The following CLCN3 variants were observed in gnomAD, a reference collection of about 807,000 sequenced individuals.
The protein encoded by CLCN3 is H(+)/Cl(-) exchange transporter 3.
A neutral mutation model predicts 83.4 loss-of-function variants in CLCN3; 16 were observed. The ratio of observed to expected loss-of-function variants is 0.19; its 90% CI spans 0.13 to 0.29. CLCN3 has a LOEUF of 0.29. Ranked by LOEUF, CLCN3 falls within the 10% of genes least tolerant of loss-of-function variation. The pLI is 1.00. For synonymous variants in CLCN3, 322 were observed against 346.2 expected (o/e 0.93, Z 0.78); for missense variants, 544 against 1,006.0 (o/e 0.54, Z 6.21).
At chr4:169,699,372 A>G (rs925090702) in intron 9 of CLCN3, among the ~76,000 whole-genome samples, 1 of 152,186 alleles carries the variant, frequency 6.6e-6, no homozygotes, top group Non-Finnish European at 1.5e-5. Context: ...TCAGTGATAT[A>G]TATGGGGAAG....
intron 2 of CLCN3, among the ~76,000 whole-genome samples, chr4:169,678,813 C>T (rs1006862636): frequency 1.1e-4 from 17 of 152,350 alleles, no homozygotes; most frequent in African/African-American, 3.6e-4. Flanking sequence ...CCTGTGTCTA[C>T]TTCTTTCTAC....
In CLCN3 at chr4:169,628,592, A is replaced by G. The variant is rs372435671; in HGVS notation, c.-16-7321A>G. 2.6e-5 allele frequency among the ~76,000 whole-genome samples: 4 copies of G among 152,310 alleles called. 1 individual carries two copies. The highest frequency in any genetic ancestry group is 9.6e-5 in the African/African-American group (4 of 41,568). On this transcript the variant is annotated intron_variant, in intron 1 of 12. Coordinates refer to ENST00000513761, the MANE Select transcript of CLCN3 (RefSeq NM_001829.4). ...CATTAGGGAGATGCAGATTAAAGCA[A>G]CAAGATACTACCGTACATCTATCAG...
chr4:169,639,986 G>C (rs1457388996), intron 2 of CLCN3, among the ~76,000 whole-genome samples: 1 of 152,112 alleles, frequency 6.6e-6, no homozygotes. Flanking sequence ...TTATACTTCA[G>C]TTTATTCCCA....
chr4:169,708,446 T>C (rs1193880161), intron 11 of CLCN3, among the ~76,000 whole-genome samples: 1 of 152,216 alleles, frequency 6.6e-6, no homozygotes, highest in East Asian at 1.9e-4. Flanking sequence ...CAATAGTAGT[T>C]GCCAGAGCTG....
rs376136772 is a variant in CLCN3 at position 169,689,222 on chromosome 4, C to G, written c.598C>G (p.Gln200Glu). ...WKTWAELIIG[Q>E]AEGPGSYIMN... ...AACATGGGCAGAATTAATCATAGGT[C>G]AAGCAGAGGTAAGTCTTGCTTTGTC... Residue 200 changes from glutamine (Q) to glutamate (E), a missense_variant, in exon 5 of 13, where the codon CAA (glutamine) becomes GAA (glutamate). Physicochemically the swap from Gln to Glu is conservative, Grantham distance 29 (BLOSUM62 2). This residue lies in a region of CLCN3 where 96 missense variants were observed against 202.1 expected (regional missense o/e 0.48). Coordinates refer to ENST00000513761, the MANE Select transcript of CLCN3 (RefSeq NM_001829.4). The G allele has an allele frequency of 1.2e-5, 20 of 1,610,714 alleles. No individual in the cohort carries two copies. The highest frequency in any genetic ancestry group is 1.7e-5 in the Non-Finnish European group (20 of 1,178,446).
chr4:169,670,926 A>G (rs1731434293), intron 2 of CLCN3, among the ~76,000 whole-genome samples: 5 of 152,218 alleles, frequency 3.3e-5, no homozygotes, highest in Non-Finnish European at 2.9e-5. Flanking sequence ...AATGGTGATT[A>G]TTATAAAAAG....
At chr4:169,662,910 TC>T (rs886394807) in intron 2 of CLCN3, among the ~76,000 whole-genome samples, 31 of 152,102 alleles carry the variant, frequency 2.0e-4, no homozygotes, top group Non-Finnish European at 2.1e-4. Flanking sequence ...TCCTTTTTTA[TC>T]AGGAAAAAAG....
intron 8 of CLCN3, 142 bp downstream of exon 8, chr4:169,695,834 C>T (rs1414315808): frequency 1.8e-6 from 1 of 556,820 alleles, no homozygotes; most frequent in Non-Finnish European, 3.0e-6. Flanking sequence ...TCCACTCATT[C>T]TTAATAAAAA....
intron 11 of CLCN3, among the ~76,000 whole-genome samples, chr4:169,709,940 A>C (rs1733144994): frequency 2.1e-5 from 3 of 144,352 alleles, no homozygotes; most frequent in Admixed American, 2.0e-4. Flanking sequence ...CTCTACCAAA[A>C]AAAAAAAATT....
Position 169,720,166 on chromosome 4 carries a change from A to G in CLCN3, c.*169A>G. On this transcript the variant is annotated 3_prime_UTR_variant, in exon 13 of 13. Transcript: ENST00000513761. ...ATGGTTTGCAAATAATGCTGGTGGA[A>G]TGGAGGAGTTGTTTGGGGAGGGAAA... The G allele has an allele frequency of 1.1e-6, 1 of 949,240 alleles. No homozygotes were observed. Among genetic ancestry groups the G allele is most frequent in the Non-Finnish European group, 1.6e-6 (1 of 628,342 alleles). 58.8% of individuals were successfully genotyped at this position (949,240 alleles called of 1,614,324 possible).
At chr4:169,700,269 GTTTT>G (rs1180982955) in intron 9 of CLCN3, among the ~76,000 whole-genome samples, 1 of 152,052 alleles carries the variant, frequency 6.6e-6, no homozygotes, top group African/African-American at 2.4e-5. Flanking sequence ...TCGTTTGTTT[GTTTT>G]TTGAGACAGG....
chr4:169,659,556 A>G (rs1322972149), intron 2 of CLCN3, among the ~76,000 whole-genome samples: 1 of 152,134 alleles, frequency 6.6e-6, no homozygotes, highest in African/African-American at 2.4e-5. Flanking sequence ...TAGTACGTTG[A>G]TAGTTTTCTT....
intron 1 of CLCN3, among the ~76,000 whole-genome samples, 152 bp from the exon 2 acceptor site, chr4:169,635,761 C>T (rs1459307127): frequency 6.6e-6 from 1 of 152,048 alleles, no homozygotes; most frequent in Non-Finnish European, 1.5e-5. Context: ...TATTACCTCA[C>T]CCCAAAATAC....
chr4:169,648,388 C>T (rs1184736310), intron 2 of CLCN3, among the ~76,000 whole-genome samples: 1 of 152,060 alleles, frequency 6.6e-6, no homozygotes, highest in African/African-American at 2.4e-5. Context: ...TAAAAATGGA[C>T]TGGAGTTAAC....
At chr4:169,690,137 CTTTTTTTTTTT>C (rs397769904) in intron 5 of CLCN3, among the ~76,000 whole-genome samples, 2 of 110,464 alleles carry the variant, frequency 1.8e-5, no homozygotes, top group South Asian at 2.8e-4. Flanking sequence ...TCTTTTCTTT[CTTTTTTTTTTT>C]TTTTTTTTGG....
intron 11 of CLCN3, among the ~76,000 whole-genome samples, chr4:169,709,760 A>G (rs1410853980): frequency 6.6e-6 from 1 of 152,164 alleles, no homozygotes. Context: ...AATGAATAGC[A>G]CTAAAAATAT....
At chr4:169,660,622 C>G (rs1303979314) in intron 2 of CLCN3, among the ~76,000 whole-genome samples, 1 of 152,114 alleles carries the variant, frequency 6.6e-6, no homozygotes, top group Non-Finnish European at 1.5e-5. Flanking sequence ...GTGTAGCCAT[C>G]CCTGATTGTT....
intron 2 of CLCN3, among the ~76,000 whole-genome samples, chr4:169,636,351 A>G (rs1435955478): frequency 6.6e-6 from 1 of 152,214 alleles, no homozygotes; most frequent in Non-Finnish European, 1.5e-5. Flanking sequence ...GCTTTTAAAT[A>G]TAATGTAATA....
intron 9 of CLCN3, among the ~76,000 whole-genome samples, chr4:169,701,597 A>G (rs1266882366): frequency 5.3e-5 from 8 of 152,284 alleles, no homozygotes; most frequent in Non-Finnish European, 5.9e-5. Context: ...AACCATACAG[A>G]TCTTCAGCAA....
Sources: allele counts gnomAD v4.1 joint callset (sites outside exome capture counted in the v4.1 genomes callset), GRCh38; gene constraint gnomAD v4.1.1; regional missense constraint gnomAD v4.1.1; transcripts MANE v1.5; gene names NCBI Gene and HGNC (gene_info 2026-07-23, HGNC 2026-07-21).